Variants in MPRIP observed in about 807,000 individuals in gnomAD.
MPRIP encodes the protein myosin phosphatase Rho interacting protein.
In MPRIP, 59 loss-of-function variants were observed where a neutral mutation model predicts 234.9. The observed-to-expected ratio is 0.25, with a 90% CI of 0.20 to 0.31. The LOEUF (loss-of-function observed/expected upper bound fraction) is 0.31, where lower values mean the gene tolerates loss of function less well. Among genes scored for constraint, MPRIP ranks in the 10% least tolerant of loss-of-function variants. The pLI, the probability that MPRIP is intolerant of heterozygous loss-of-function variation, is 1.00. For missense variants in MPRIP, 2,436 were observed against 3,071.0 expected (o/e 0.79, Z 4.89); for synonymous variants, 1,144 against 1,263.9 (o/e 0.91, Z 2.01).
rs1222189419 is a variant in MPRIP at position 17,185,711 on chromosome 17, C to G, written c.*817C>G. 3 of 349,446 alleles carry G rather than the reference C, an allele frequency of 8.6e-6. No homozygotes were observed. Among genetic ancestry groups the G allele is most frequent in the South Asian group, 2.2e-5 (1 of 46,056 alleles). 21.6% of individuals were successfully genotyped at this position (349,446 alleles called of 1,614,324 possible). ...ATTGCAAAAAACAAATGAATTCCCC[C>G]CAGGAATCATTCAAAATGGGGGAAG... On this transcript the variant is annotated 3_prime_UTR_variant, in exon 24 of 24. Coordinates refer to ENST00000651222, the MANE Select transcript of MPRIP (RefSeq NM_001364716.4).
At position 17,185,201 on chromosome 17, in the gene MPRIP, A is replaced by C. The variant is rs969268522; in HGVS notation, c.*307A>C. ...GCTGTGACCCGCCACACTCACTGTC[A>C]GTATTAAGGCCCAGCAGCCTGTTGA... is the stretch of plus-strand genomic sequence containing the variant. On this transcript the variant is annotated 3_prime_UTR_variant, in exon 24 of 24. Transcript: ENST00000651222. 2 of 340,480 alleles carry C rather than the reference A, an allele frequency of 5.9e-6. No homozygotes were observed. Among genetic ancestry groups the C allele is most frequent in the African/African-American group, 4.3e-5 (2 of 46,708 alleles). The allele number at this position is 340,480 out of a possible 1,614,324, so 21.1% of individuals were successfully genotyped here.
intron 1 of MPRIP, chr17:17,057,921 A>C: frequency 1.9e-6 from 1 of 519,146 alleles, no homozygotes; most frequent in Non-Finnish European, 3.4e-6. Flanking sequence ...TACAATATAA[A>C]TCTAAATAAT....
intron 3 of MPRIP, among the ~76,000 whole-genome samples, chr17:17,088,825 C>T (rs944823424): frequency 6.6e-6 from 1 of 152,258 alleles, no homozygotes; most frequent in African/African-American, 2.4e-5. Flanking sequence ...CTCCTGGCCT[C>T]TGCAAGACTG....
chr17:17,167,901 T>C lies in MPRIP; in HGVS notation c.6310T>C (p.Leu2104=), dbSNP rs1439777881. The change falls in exon 16 of 24, where the codon TTG becomes CTG. Residue 2104 remains leucine, a synonymous_variant. Coordinates refer to ENST00000651222, the MANE Select transcript of MPRIP (RefSeq NM_001364716.4). This position sits in a 1 kb window ranked among gnomAD's most constrained non-coding sequence, Gnocchi z 5.9. ...ACTGCGTGAGAAGTACCAGAGGGAC[T>C]TGGAGAGCCTTAAGGTCTTAACGCC... ...ATLREKYQRD[L]ESLKATCERG... 7.7e-7 allele frequency: 1 copy of C among 1,303,576 alleles called. No homozygotes were observed. Among genetic ancestry groups the C allele is most frequent in the Admixed American group, 2.3e-5 (1 of 43,564 alleles). The allele number at this position is 1,303,576 out of a possible 1,614,324, so 80.8% of individuals were successfully genotyped here. A position where few individuals can be genotyped will look rare whatever the true frequency, so the allele number is the denominator to read the frequency against.
At chr17:17,148,646 TAG>T (rs1161497169) in intron 11 of MPRIP, among the ~76,000 whole-genome samples, 2 of 152,238 alleles carry the variant, frequency 1.3e-5, no homozygotes, top group Admixed American at 1.3e-4. Flanking sequence ...GGCTGCATAC[TAG>T]AGTGTGCAGG....
At position 17,167,944 on chromosome 17, in the gene MPRIP, C is replaced by A; in HGVS notation, c.6324+29C>A. The stretch of plus-strand genomic sequence containing the variant: ...TTAACGCCCCATTCAATTTGCAGAG[C>A]AGATCTTCCTTGATAATGGGGTGGG... On this transcript the variant is annotated intron_variant, in intron 16 of 23. Coordinates refer to ENST00000651222, the MANE Select transcript of MPRIP (RefSeq NM_001364716.4). The surrounding 1 kb of genome is among the most constrained non-coding windows in gnomAD (Gnocchi z 5.9). The A allele has an allele frequency of 7.8e-7, 1 of 1,283,738 alleles. No homozygotes were observed. The highest frequency in any genetic ancestry group is 1.0e-6 in the Non-Finnish European group (1 of 977,462). 79.5% of individuals were successfully genotyped at this position (1,283,738 alleles called of 1,614,324 possible).
At chr17:17,161,606 G>A (rs2045872956) in intron 15 of MPRIP, among the ~76,000 whole-genome samples, 1 of 152,036 alleles carries the variant, frequency 6.6e-6, no homozygotes, top group Non-Finnish European at 1.5e-5. Flanking sequence ...ACTTTTTTTG[G>A]TAATAAAATG....
chr17:17,114,707 C>T (rs1292040853), intron 3 of MPRIP, among the ~76,000 whole-genome samples: 1 of 152,198 alleles, frequency 6.6e-6, no homozygotes, highest in Non-Finnish European at 1.5e-5. Context: ...CCATCTACCC[C>T]CCGCCCACCC....
intron 13 of MPRIP, among the ~76,000 whole-genome samples, chr17:17,155,446 G>GTAATTT (rs2045707701): frequency 1.3e-5 from 2 of 152,120 alleles, no homozygotes; most frequent in African/African-American, 2.4e-5. Context: ...ATTTCACCTT[G>GTAATTT]TTGGCCAGGC....
chr17:17,057,732 A>G (rs1479105156), intron 1 of MPRIP: 12 of 717,312 alleles, frequency 1.7e-5, no homozygotes, highest in East Asian at 2.7e-5. Flanking sequence ...GGCATCAGCT[A>G]TGAGACCACC....
intron 4 of MPRIP, among the ~76,000 whole-genome samples, chr17:17,129,110 C>A (rs898913228): frequency 1.3e-5 from 2 of 152,174 alleles, no homozygotes; most frequent in African/African-American, 4.8e-5. Context: ...TCTCCTGGGC[C>A]TGGGTAGAGG....
rs1435745321 is a variant in MPRIP, at chr17:17,191,805, ACTG to A, written c.*6912_*6914del. On this transcript the variant is annotated 3_prime_UTR_variant, in exon 24 of 24. Transcript: ENST00000651222. Reference sequence around the variant, plus strand: ...GATTGTGAAGAACACTCAGTTCACTACTGTGTTACATTTATATCACAAGCTTCA... The same window carrying A: ...GATTGTGAAGAACACTCAGTTCACTATGTTACATTTATATCACAAGCTTCA... The A allele has an allele frequency of 1.3e-5, 2 of 152,234 alleles. No homozygotes were observed. The highest frequency in any genetic ancestry group is 2.9e-5 in the Non-Finnish European group (2 of 68,034). The allele number at this position is 152,234 out of a possible 1,614,324, so 9.4% of individuals were successfully genotyped here. A position where few individuals can be genotyped will look rare whatever the true frequency, so the allele number is the denominator to read the frequency against.
chr17:17,141,564 C>G (rs536388340), intron 7 of MPRIP: 1 of 152,608 alleles, frequency 6.6e-6, no homozygotes, highest in South Asian at 2.1e-4. Flanking sequence ...GGGGTGAAGA[C>G]GCCTTAGGCA....
intron 3 of MPRIP, among the ~76,000 whole-genome samples, chr17:17,095,895 C>T (rs2089827174): frequency 6.6e-6 from 1 of 152,214 alleles, no homozygotes; most frequent in African/African-American, 2.4e-5. Context: ...GCCACCAGGC[C>T]ACTTTCCATG....
intron 12 of MPRIP, among the ~76,000 whole-genome samples, chr17:17,152,173 CT>C (rs1239426484): frequency 2.0e-5 from 3 of 152,254 alleles, no homozygotes; most frequent in Admixed American, 1.3e-4. Context: ...CACTGACAGC[CT>C]GGCACCAGGG....
At chr17:17,144,954 G>T (rs1218599773) in intron 9 of MPRIP, among the ~76,000 whole-genome samples, 1 of 152,266 alleles carries the variant, frequency 6.6e-6, no homozygotes, top group East Asian at 1.9e-4. Context: ...CTACAAGCTT[G>T]CAGGAGAGGA....
At chr17:17,058,174 ACTCCT>A (rs1483467296) in intron 1 of MPRIP, among the ~76,000 whole-genome samples, 4 of 151,616 alleles carry the variant, frequency 2.6e-5, no homozygotes, top group Admixed American at 6.6e-5. Context: ...TGCTTTTCTG[ACTCCT>A]CTCCACAGGC....
rs2046571410 is a variant in MPRIP, at chr17:17,190,789, G to A, written c.*5895G>A. The A allele has an allele frequency of 6.6e-6, 1 of 152,204 alleles. No homozygotes were observed. The highest frequency in any genetic ancestry group is 2.4e-5 in the African/African-American group (1 of 41,454). The allele number at this position is 152,204 out of a possible 1,614,324, so 9.4% of individuals were successfully genotyped here. On this transcript the variant is annotated 3_prime_UTR_variant, in exon 24 of 24. Transcript: ENST00000651222. ...GGTCCGAGTCCTTAGGTGTTCGGAT[G>A]CAGTACTTTGTGAATACTTAAGCTA...
chr17:17,066,648 T>C (rs8073003), intron 1 of MPRIP, among the ~76,000 whole-genome samples: 151,463 of 151,464 alleles, frequency 1, 75,731 homozygotes, highest in Middle Eastern at 1. Context: ...CCTGATTGCT[T>C]TCAGTTGGAA....
Sources: gnomAD v4.1 joint callset for allele counts (sites outside exome capture counted in the v4.1 genomes callset) on GRCh38, gnomAD v4.1.1 for gene constraint, Gnocchi (gnomAD v3.1) non-coding constraint, MANE v1.5 for transcripts, NCBI Gene and HGNC (gene_info 2026-07-23, HGNC 2026-07-21) for gene names.